The following ZBTB16 variants were observed in gnomAD, a reference collection of about 807,000 sequenced individuals.
ZBTB16 encodes zinc finger and BTB domain containing 16.
In ZBTB16, 8 loss-of-function variants were observed where a neutral mutation model predicts 56.8. The ratio of observed to expected loss-of-function variants is 0.14; its 90% CI spans 0.08 to 0.25. ZBTB16 has a LOEUF of 0.25. ZBTB16 is among the 10% of genes least tolerant of loss of function. The pLI, the probability that ZBTB16 is intolerant of heterozygous loss-of-function variation, is 1.00. For synonymous variants in ZBTB16, 363 were observed against 368.5 expected, an observed-to-expected ratio of 0.98 and a Z score of 0.17; for missense variants, 625 against 903.0, an observed-to-expected ratio of 0.69 and a Z score of 3.95.
intron 2 of ZBTB16, among the ~76,000 whole-genome samples, chr11:114,102,169 T>C (rs921818203): frequency 2.0e-5 from 3 of 152,210 alleles, no homozygotes; most frequent in South Asian, 4.2e-4. Flanking sequence ...GAAACATGGG[T>C]CTCAGCTGCT....
intron 2 of ZBTB16, among the ~76,000 whole-genome samples, chr11:114,079,339 C>A (rs2511234): frequency 6.6e-6 from 1 of 152,038 alleles, no homozygotes; most frequent in Admixed American, 6.6e-5. Flanking sequence ...TGTTATGGCC[C>A]GGGGAGAAAC....
At chr11:114,111,031 A>C (rs928828054) in intron 2 of ZBTB16, among the ~76,000 whole-genome samples, 7 of 152,194 alleles carry the variant, frequency 4.6e-5, no homozygotes, top group Admixed American at 1.3e-4. Context: ...TCATAAATTA[A>C]TTAATCGTGA....
rs1046425241 is a variant in ZBTB16, at chr11:114,185,922, T to A, written c.1367-1030T>A. On this transcript the variant is annotated intron_variant, in intron 3 of 6. Coordinates refer to ENST00000335953, the MANE Select transcript of ZBTB16 (RefSeq NM_006006.6). ...ATTAAATTGAGTTGCACTGAATTAA[T>A]TTTATTTATTCCACAAATATGTATA... Among the ~76,000 whole-genome samples the A allele has an allele frequency of 2.6e-5, 4 of 152,340 alleles. No individual in the cohort carries two copies. In the South Asian group the frequency reaches 8.3e-4, roughly 32 times the overall value.
chr11:114,140,429 C>T (rs893414497), intron 2 of ZBTB16, among the ~76,000 whole-genome samples: 3 of 152,214 alleles, frequency 2.0e-5, no homozygotes, highest in African/African-American at 7.2e-5. Flanking sequence ...TTGTATCCTT[C>T]ACTATGCCAA....
Position 114,188,692 on chromosome 11 carries a change from CCT to C in ZBTB16, c.1453+1658_1453+1659del, listed in dbSNP as rs1224697365. On this transcript the variant is annotated intron_variant, in intron 4 of 6. Transcript: ENST00000335953. Reference sequence around the variant, plus strand: ...ATGCATGAGACAGACGACATTGCTGCCTCTCATGGAACTGAGCTTCTAGCTGG... The same window carrying C: ...ATGCATGAGACAGACGACATTGCTGCCTCATGGAACTGAGCTTCTAGCTGG... 3.9e-5 allele frequency: 6 copies of C among 152,120 alleles called. No individual in the cohort carries two copies. In the South Asian group the frequency reaches 8.3e-4, roughly 21 times the overall value. The allele number at this position is 152,120 out of a possible 1,614,324, so 9.4% of individuals were successfully genotyped here.
chr11:114,187,076 C>G, intron 4 of ZBTB16, 38 bp downstream of exon 4: 1 of 1,597,642 alleles, frequency 6.3e-7, no homozygotes. Flanking sequence ...AGGTTTTCCA[C>G]AGTGTTGGTA....
intron 1 of ZBTB16, among the ~76,000 whole-genome samples, chr11:114,062,864 C>T (rs1938938481): frequency 6.6e-6 from 1 of 152,162 alleles, no homozygotes; most frequent in Non-Finnish European, 1.5e-5. Flanking sequence ...TGAATGTTGG[C>T]CTTGCCTAGG....
chr11:114,089,058 C>T (rs1940077364), intron 2 of ZBTB16, among the ~76,000 whole-genome samples: 1 of 152,216 alleles, frequency 6.6e-6, no homozygotes, highest in African/African-American at 2.4e-5. Context: ...CCCTCCTCAC[C>T]CCCACCCAGT....
rs1390160860 is a variant in ZBTB16, at chr11:114,059,925, C to T, written c.-91+43C>T. On this transcript the variant is annotated intron_variant, in intron 1 of 6. Transcript: ENST00000335953. This position sits in a 1 kb window ranked among gnomAD's most constrained non-coding sequence, Gnocchi z 5.3. ...AAGAGGCGCACCGCCCAGCGAGCGC[C>T]GCGCGCCGGGGCTTCCCGGGGCTGG... 5 of 387,112 alleles carry T rather than the reference C, an allele frequency of 1.3e-5. No homozygotes were observed. Among genetic ancestry groups the T allele is most frequent in the Non-Finnish European group, 2.3e-5 (5 of 219,314 alleles). The allele number at this position is 387,112 out of a possible 1,614,324, so 24.0% of individuals were successfully genotyped here. A position where few individuals can be genotyped will look rare whatever the true frequency, so the allele number is the denominator to read the frequency against.
intron 4 of ZBTB16, among the ~76,000 whole-genome samples, chr11:114,231,643 C>T (rs559790065): frequency 1.3e-5 from 2 of 152,324 alleles, no homozygotes; most frequent in South Asian, 4.1e-4. Flanking sequence ...TGGCACCCAG[C>T]AGGTGCCCAG....
Position 114,095,575 on chromosome 11 carries a change from A to G in ZBTB16, c.1268+31007A>G, listed in dbSNP as rs1415580944. 2.2e-4 allele frequency among the ~76,000 whole-genome samples: 33 copies of G among 152,076 alleles called. 1 individual carries two copies. The highest frequency in any genetic ancestry group is 1.4e-3 in the Admixed American group (21 of 15,258). On this transcript the variant is annotated intron_variant, in intron 2 of 6. Coordinates refer to ENST00000335953, the MANE Select transcript of ZBTB16 (RefSeq NM_006006.6). The stretch of plus-strand genomic sequence containing the variant: ...ACGCCCGGCCACCAATTTCTTATAC[A>G]TAGGTTATGGAGCAGGGAGAAAGAG...
chr11:114,219,477 G>A (rs762997635), intron 4 of ZBTB16, among the ~76,000 whole-genome samples: 5 of 152,112 alleles, frequency 3.3e-5, no homozygotes, highest in Non-Finnish European at 7.4e-5. Context: ...GTGCTGGGGA[G>A]TGGGATGGGA....
chr11:114,148,469 C>CTTTCTT lies in ZBTB16; in HGVS notation c.1269-7867_1269-7866insTTCTTT, dbSNP rs1555144001. ...TCTCTGTCTGTCTGTCTCTCTCTCT[C>CTTTCTT]TCTTTCTTTCTTTCTTTCTTTCTTT... On this transcript the variant is annotated intron_variant, in intron 2 of 6. Transcript: ENST00000335953. Among the ~76,000 whole-genome samples the CTTTCTT allele has an allele frequency of 8.4e-4, 51 of 60,970 alleles. 3 individuals carry two copies. Among genetic ancestry groups the CTTTCTT allele is most frequent in the Middle Eastern group, 0.01 (1 of 96 alleles). 40.0% of individuals were successfully genotyped at this position (60,970 alleles called of 152,430 possible).
intron 4 of ZBTB16, among the ~76,000 whole-genome samples, chr11:114,236,747 C>A (rs1478308852): frequency 2.6e-5 from 4 of 152,196 alleles, no homozygotes; most frequent in African/African-American, 9.7e-5. Flanking sequence ...ATTCAACATG[C>A]AGTTATTAAG....
intron 2 of ZBTB16, among the ~76,000 whole-genome samples, chr11:114,126,764 ACATGAC>A (rs1941520073): frequency 6.6e-6 from 1 of 152,166 alleles, no homozygotes; most frequent in South Asian, 2.1e-4. Flanking sequence ...GGCCCAGGTC[ACATGAC>A]CTTGGGAGAG....
At chr11:114,196,793 C>T (rs1460114709) in intron 4 of ZBTB16, among the ~76,000 whole-genome samples, 1 of 151,798 alleles carries the variant, frequency 6.6e-6, no homozygotes, top group Non-Finnish European at 1.5e-5. Flanking sequence ...TAGCTGTACT[C>T]TTTTGGATAC....
chr11:114,247,490 C>A, intron 6 of ZBTB16, 125 bp downstream of exon 6: 4 of 1,360,616 alleles, frequency 2.9e-6, no homozygotes, highest in Non-Finnish European at 3.0e-6. Context: ...AGAAGAGGTT[C>A]TATTAAGAGC....
At chr11:114,203,076 G>A (rs1943772145) in intron 4 of ZBTB16, among the ~76,000 whole-genome samples, 1 of 152,152 alleles carries the variant, frequency 6.6e-6, no homozygotes, top group African/African-American at 2.4e-5. Context: ...GCTGATGCAT[G>A]GATATACAAA....
intron 5 of ZBTB16, 67 bp from the exon 6 acceptor site, chr11:114,247,131 G>GC: frequency 1.2e-6 from 2 of 1,608,428 alleles, no homozygotes; most frequent in Admixed American, 3.3e-5. Flanking sequence ...CACAGAATGT[G>GC]CCCTACTGTC....
Sources: allele counts gnomAD v4.1 joint callset (sites outside exome capture counted in the v4.1 genomes callset), GRCh38; gene constraint gnomAD v4.1.1; non-coding constraint Gnocchi (gnomAD v3.1); transcripts MANE v1.5; gene names NCBI Gene and HGNC (gene_info 2026-07-23, HGNC 2026-07-21).